CASD1: variants seen among roughly 807,000 people sequenced by gnomAD.
CASD1 encodes CAS1 domain sialic acid O acetyltransferase 1.
A neutral mutation model predicts 100.0 loss-of-function variants in CASD1; 41 were observed. That is an observed-to-expected ratio of 0.41 (90% CI 0.32 to 0.53). The LOEUF (loss-of-function observed/expected upper bound fraction) is 0.53. CASD1 is among the 20% of genes least tolerant of loss of function. The probability of loss-of-function intolerance (pLI) is 0.25; values close to 1 mark genes in which losing one functional copy is unlikely to be tolerated. For synonymous variants in CASD1, 321 were observed against 315.6 expected, an observed-to-expected ratio of 1.02 and a Z score of -0.18; for missense variants, 774 against 948.7, an observed-to-expected ratio of 0.82 and a Z score of 2.42.
chr7:94,594,620 A>G, the CASD1 span: 1 of 152,258 alleles, frequency 6.6e-6, no homozygotes, highest in Admixed American at 6.5e-5. Context: ...GTAACAGTAA[A>G]GTACCGAAAC....
At chr7:94,603,724 T>C in the CASD1 span, among the ~76,000 whole-genome samples, 1 of 152,140 alleles carries the variant, frequency 6.6e-6, no homozygotes, top group African/African-American at 2.4e-5. Flanking sequence ...ATCCCATTTA[T>C]TTTCATTCAA....
the CASD1 span, among the ~76,000 whole-genome samples, chr7:94,582,666 A>C: frequency 1.3e-5 from 2 of 152,164 alleles, no homozygotes; most frequent in Non-Finnish European, 2.9e-5. Flanking sequence ...TTTGGTATCA[A>C]CCAAACTTTA....
chr7:94,628,479 C>T, the CASD1 span: 1 of 752,258 alleles, frequency 1.3e-6, no homozygotes, highest in Non-Finnish European at 2.2e-6. Context: ...CAACTAAATA[C>T]ACACATACAA....
chr7:94,580,449 TTCA>T, the CASD1 span, among the ~76,000 whole-genome samples: 10 of 152,202 alleles, frequency 6.6e-5, no homozygotes, highest in South Asian at 2.1e-3. Context: ...TTTCTTATTC[TTCA>T]TCATCTTAGC....
chr7:94,537,398 T>A (rs550956371), intron 8 of CASD1, 74 bp from the exon 9 acceptor site: 1 of 1,337,040 alleles, frequency 7.5e-7, no homozygotes, highest in East Asian at 2.3e-5. Context: ...AACTCAGTAG[T>A]ATTCACAGGA....
rs184781219 is a variant in CASD1, at chr7:94,532,783, G to A, written c.460-422G>A. Among the ~76,000 whole-genome samples the A allele has an allele frequency of 2.4e-4, 37 of 152,224 alleles. 1 individual carries two copies. Among genetic ancestry groups the A allele is most frequent in the Admixed American group, 2.2e-3 (33 of 15,290 alleles). Reference sequence around the variant, plus strand: ...TTGGATTTCACTTTCCCAGAAGATTGTTTTGGCACTGACCTTGTATTTTAT... The same window carrying A: ...TTGGATTTCACTTTCCCAGAAGATTATTTTGGCACTGACCTTGTATTTTAT... On this transcript the variant is annotated intron_variant, in intron 5 of 17. Coordinates refer to ENST00000297273, the MANE Select transcript of CASD1 (RefSeq NM_022900.5).
the CASD1 span, among the ~76,000 whole-genome samples, chr7:94,562,038 A>T: frequency 2.6e-5 from 4 of 152,276 alleles, no homozygotes; most frequent in African/African-American, 9.6e-5. Flanking sequence ...CAACTGTAGG[A>T]ATGTTGATTA....
chr7:94,518,396 T>A, intron 3 of CASD1, 73 bp downstream of exon 3: 1 of 1,317,488 alleles, frequency 7.6e-7, no homozygotes, highest in South Asian at 1.5e-5. Context: ...GAGGAGTGTG[T>A]CTCTCCAGAT....
chr7:94,547,020 A>G (rs371858754), intron 12 of CASD1, 76 bp from the exon 13 acceptor site: 3 of 850,060 alleles, frequency 3.5e-6, no homozygotes, highest in East Asian at 2.8e-5. Context: ...GCATGTACAT[A>G]TATCAAATAG....
At chr7:94,614,392 A>C in the CASD1 span, among the ~76,000 whole-genome samples, 1 of 152,310 alleles carries the variant, frequency 6.6e-6, no homozygotes, top group African/African-American at 2.4e-5. Flanking sequence ...TTTTAGTATC[A>C]ACCATTTCCT....
At chr7:94,539,470 A>G (rs957792668) in intron 10 of CASD1, among the ~76,000 whole-genome samples, 2 of 152,200 alleles carry the variant, frequency 1.3e-5, no homozygotes. Context: ...GGAGTTCAAG[A>G]CCAGCCTAGC....
chr7:94,614,299 A>G, the CASD1 span, among the ~76,000 whole-genome samples: 8 of 152,088 alleles, frequency 5.3e-5, no homozygotes, highest in South Asian at 2.1e-4. Context: ...TGGGTCCCCT[A>G]AAATCCCAGC....
chr7:94,552,354 A>G lies in CASD1; in HGVS notation c.1961A>G (p.Tyr654Cys), dbSNP rs760582061. The part of the protein sequence containing the change: ...LFISVVSFLT[Y>C]SIWASSCKNK... ...TCCATACATTTTTTGTTTTAGACCTATTCCATCTGGGCTAGCAGTTGTAAA... is the reference window on the plus strand; with the variant it reads ...TCCATACATTTTTTGTTTTAGACCTGTTCCATCTGGGCTAGCAGTTGTAAA... Residue 654 changes from tyrosine to cysteine, a missense_variant, in exon 16 of 18, where the codon TAT becomes TGT. Physicochemically the swap from Tyr to Cys is radical, Grantham distance 194. Transcript: ENST00000297273. 1.9e-6 allele frequency: 3 copies of G among 1,609,546 alleles called. No homozygotes were observed. Among genetic ancestry groups the G allele is most frequent in the South Asian group, 1.1e-5 (1 of 90,040 alleles).
chr7:94,613,737 T>C, the CASD1 span, among the ~76,000 whole-genome samples: 3 of 152,170 alleles, frequency 2.0e-5, no homozygotes, highest in African/African-American at 7.2e-5. Context: ...AATTGCCCAA[T>C]TAATGAATAT....
chr7:94,522,540 A>G (rs1794334104), intron 3 of CASD1, among the ~76,000 whole-genome samples: 2 of 152,366 alleles, frequency 1.3e-5, no homozygotes, highest in African/African-American at 2.4e-5. Context: ...TAGTAAACAT[A>G]TAGTAGAGCA....
chr7:94,569,069 A>G, the CASD1 span, among the ~76,000 whole-genome samples: 1 of 152,222 alleles, frequency 6.6e-6, no homozygotes, highest in African/African-American at 2.4e-5. Context: ...ACAAGTTGAT[A>G]AGACACTGTG....
chr7:94,599,710 T>C, the CASD1 span: 3 of 1,609,020 alleles, frequency 1.9e-6, no homozygotes, highest in Admixed American at 3.3e-5. Context: ...GGTGTTTGCA[T>C]GTTTCTCTTT....
the CASD1 span, among the ~76,000 whole-genome samples, chr7:94,593,778 G>A: frequency 6.6e-6 from 1 of 151,992 alleles, no homozygotes; most frequent in Admixed American, 6.6e-5. Flanking sequence ...TTCACATGGG[G>A]GAATTTAGGA....
At chr7:94,553,167 C>T (rs1390017099) in intron 16 of CASD1, 4 of 466,028 alleles carry the variant, frequency 8.6e-6, no homozygotes, top group Non-Finnish European at 1.7e-5. Flanking sequence ...ATCACTTATA[C>T]TATTAATTAT....
Sources: gnomAD v4.1 joint callset for allele counts (sites outside exome capture counted in the v4.1 genomes callset) on GRCh38, gnomAD v4.1.1 for gene constraint, MANE v1.5 for transcripts, NCBI Gene and HGNC (gene_info 2026-07-23, HGNC 2026-07-21) for gene names.